Variants in ADAMTS6 observed in about 807,000 individuals in gnomAD.
The protein encoded by ADAMTS6 is ADAM metallopeptidase with thrombospondin type 1 motif 6.
In ADAMTS6, 23 loss-of-function variants were observed where a neutral mutation model predicts 144.3. The observed-to-expected ratio is 0.16, with a 90% CI of 0.11 to 0.23. ADAMTS6 has a LOEUF of 0.23. Ranked by LOEUF, ADAMTS6 falls within the 10% of genes least tolerant of loss-of-function variation. The probability of loss-of-function intolerance (pLI) is 1.00; values close to 1 mark genes in which losing one functional copy is unlikely to be tolerated. For missense variants in ADAMTS6, 999 were observed against 1,379.6 expected (o/e 0.72, Z 4.37); for synonymous variants, 444 against 457.5 (o/e 0.97, Z 0.38).
At chr5:65,433,170 C>T (rs991421402) in intron 7 of ADAMTS6, among the ~76,000 whole-genome samples, 6 of 152,226 alleles carry the variant, frequency 3.9e-5, no homozygotes, top group Admixed American at 2.6e-4. Flanking sequence ...TATGCTTGGA[C>T]GCTTCTCCAT....
chr5:65,231,927 T>C (rs781408978), intron 15 of ADAMTS6, among the ~76,000 whole-genome samples: 15 of 152,032 alleles, frequency 9.9e-5, no homozygotes, highest in Non-Finnish European at 1.9e-4. Flanking sequence ...CAGGCCAACA[T>C]GTTGAAACCT....
intron 10 of ADAMTS6, among the ~76,000 whole-genome samples, chr5:65,293,577 G>T (rs1435461748): frequency 6.6e-6 from 1 of 152,046 alleles, no homozygotes; most frequent in African/African-American, 2.4e-5. Flanking sequence ...ATTCTTTTCT[G>T]ATGGCAAATT....
intron 7 of ADAMTS6, among the ~76,000 whole-genome samples, chr5:65,371,266 A>T (rs1330415052): frequency 1.3e-5 from 2 of 152,244 alleles, no homozygotes; most frequent in Non-Finnish European, 2.9e-5. Flanking sequence ...ACAAAGCTGG[A>T]CGGAGAATGA....
intron 7 of ADAMTS6, among the ~76,000 whole-genome samples, chr5:65,344,411 A>G (rs555069598): frequency 4.4e-4 from 67 of 152,070 alleles, no homozygotes; most frequent in African/African-American, 1.5e-3. Context: ...CAAAAATGGG[A>G]TATTACATCA....
chr5:65,386,649 C>G (rs1057214386), intron 7 of ADAMTS6, among the ~76,000 whole-genome samples: 1 of 152,104 alleles, frequency 6.6e-6, no homozygotes, highest in Non-Finnish European at 1.5e-5. Flanking sequence ...GTGCAGTGGC[C>G]TGACCTTGAC....
At chr5:65,423,313 C>T (rs1017842519) in intron 7 of ADAMTS6, among the ~76,000 whole-genome samples, 1 of 152,032 alleles carries the variant, frequency 6.6e-6, no homozygotes, top group African/African-American at 2.4e-5. Flanking sequence ...ACTTCAAAAG[C>T]TATTGAAATA....
At chr5:65,228,585 G>T (rs1291562257) in intron 15 of ADAMTS6, among the ~76,000 whole-genome samples, 1 of 151,342 alleles carries the variant, frequency 6.6e-6, no homozygotes, top group Non-Finnish European at 1.5e-5. Flanking sequence ...GCATGCCATT[G>T]GAGAAAAAAA....
chr5:65,242,023 G>T, intron 15 of ADAMTS6, 81 bp downstream of exon 15: 1 of 894,096 alleles, frequency 1.1e-6, no homozygotes, highest in Non-Finnish European at 1.7e-6. Flanking sequence ...ATGAATGTAT[G>T]CATGTGTTTG....
At chr5:65,337,762 C>T (rs1164931463) in intron 7 of ADAMTS6, among the ~76,000 whole-genome samples, 1 of 152,100 alleles carries the variant, frequency 6.6e-6, no homozygotes, top group African/African-American at 2.4e-5. Context: ...CTCTACATCC[C>T]ATCAACTCTT....
chr5:65,393,071 C>T (rs1753056836), intron 7 of ADAMTS6, among the ~76,000 whole-genome samples: 1 of 152,052 alleles, frequency 6.6e-6, no homozygotes, highest in Non-Finnish European at 1.5e-5. Context: ...CATTGCAAGC[C>T]AACTTTGAAA....
intron 14 of ADAMTS6, among the ~76,000 whole-genome samples, chr5:65,250,506 G>A (rs149394888): frequency 1.3e-5 from 2 of 152,280 alleles, no homozygotes; most frequent in Non-Finnish European, 2.9e-5. Context: ...AGAGCTGACT[G>A]AGAACACACC....
At chr5:65,394,708 A>C (rs1464125823) in intron 7 of ADAMTS6, among the ~76,000 whole-genome samples, 1 of 152,168 alleles carries the variant, frequency 6.6e-6, no homozygotes. Context: ...ATAAAATCCA[A>C]AGGAAAAAAT....
intron 20 of ADAMTS6, chr5:65,211,073 C>T (rs78692154): frequency 0.018 from 2,821 of 153,158 alleles, 83 homozygotes; most frequent in African/African-American, 0.063. Flanking sequence ...GGTTTCTTAA[C>T]GATAAAATGA....
chr5:65,225,821 G>A lies in ADAMTS6; in HGVS notation c.2067+265C>T, dbSNP rs553188302. The stretch of plus-strand genomic sequence containing the variant: ...TTTGTAAACAGAACAGAAGAATAAC[G>A]GAAATTAAAATCCAAAATATTTTCA... On this transcript the variant is annotated intron_variant, in intron 16 of 24. Coordinates refer to ENST00000381055, the MANE Select transcript of ADAMTS6 (RefSeq NM_197941.4). Among the ~76,000 whole-genome samples, 18 of 152,076 alleles carry A rather than the reference G, an allele frequency of 1.2e-4. 1 individual carries two copies. The highest frequency in any genetic ancestry group is 4.1e-4 in the African/African-American group (17 of 41,486).
Position 65,444,256 on chromosome 5 carries a change from G to A in ADAMTS6, c.1073+7219C>T, listed in dbSNP as rs144805647. ...AAAATACAAAAATTAGCTGGGTATG[G>A]TGGCAGGCACCTGTAATCCCAGCTA... On this transcript the variant is annotated intron_variant, in intron 7 of 24. Coordinates refer to ENST00000381055, the MANE Select transcript of ADAMTS6 (RefSeq NM_197941.4). 2.7e-4 allele frequency among the ~76,000 whole-genome samples: 41 copies of A among 152,236 alleles called. 1 individual carries two copies. In the East Asian group the frequency reaches 7.7e-3, roughly 29 times the overall value.
intron 22 of ADAMTS6, among the ~76,000 whole-genome samples, chr5:65,175,884 A>C (rs1421474147): frequency 6.6e-6 from 1 of 152,182 alleles, no homozygotes; most frequent in Non-Finnish European, 1.5e-5. Context: ...AAAAAAAAAA[A>C]AACATCTATA....
chr5:65,241,542 T>C (rs1323372883), intron 15 of ADAMTS6, among the ~76,000 whole-genome samples: 1 of 152,096 alleles, frequency 6.6e-6, no homozygotes, highest in Non-Finnish European at 1.5e-5. Flanking sequence ...CCAAGAGAAA[T>C]TTTCAGCAAA....
At chr5:65,312,257 T>C (rs1238867127) in intron 9 of ADAMTS6, among the ~76,000 whole-genome samples, 5 of 151,760 alleles carry the variant, frequency 3.3e-5, no homozygotes, top group East Asian at 3.8e-4. Flanking sequence ...AGCTTTCCCA[T>C]TGGAGCAAAA....
intron 14 of ADAMTS6, among the ~76,000 whole-genome samples, chr5:65,258,206 C>T (rs1030730646): frequency 6.6e-6 from 1 of 151,984 alleles, no homozygotes; most frequent in Non-Finnish European, 1.5e-5. Context: ...GTTCAGTACT[C>T]AGAATGGTCT....
Sources: gnomAD v4.1 joint callset for allele counts (sites outside exome capture counted in the v4.1 genomes callset) on GRCh38, gnomAD v4.1.1 for gene constraint, MANE v1.5 for transcripts, NCBI Gene and HGNC (gene_info 2026-07-23, HGNC 2026-07-21) for gene names.